Variants in TNRC6B observed in about 807,000 individuals in gnomAD.
TNRC6B encodes the protein trinucleotide repeat-containing gene 6B protein.
TNRC6B carries 52 observed loss-of-function variants against 203.6 expected under a neutral mutation model. The observed-to-expected ratio is 0.26, with a 90% CI of 0.20 to 0.32. TNRC6B has a LOEUF of 0.32. Among genes scored for constraint, TNRC6B ranks in the 10% least tolerant of loss-of-function variants. TNRC6B has a pLI of 1.00. For synonymous variants in TNRC6B, 838 were observed against 845.7 expected, an observed-to-expected ratio of 0.99 and a Z score of 0.16; for missense variants, 1,923 against 2,286.2, an observed-to-expected ratio of 0.84 and a Z score of 3.24.
chr22:40,148,868 AAGGAGAGC>A (rs1308762184), intron 3 of TNRC6B, among the ~76,000 whole-genome samples: 3 of 152,218 alleles, frequency 2.0e-5, no homozygotes, highest in Non-Finnish European at 4.4e-5. Context: ...TCTGTAAGCC[AAGGAGAGC>A]AGACTGGAAC....
intron 1 of TNRC6B, among the ~76,000 whole-genome samples, chr22:40,196,333 G>A (rs886288070): frequency 1.3e-5 from 2 of 150,406 alleles, no homozygotes; most frequent in Non-Finnish European, 1.5e-5. Flanking sequence ...GTAGAGGTGG[G>A]GCTTTCTAAT....
Position 40,054,431 on chromosome 22 carries a change from A to G in TNRC6B, c.-121+9433A>G, listed in dbSNP as rs368331993. Among the ~76,000 whole-genome samples the G allele has an allele frequency of 3.9e-5, 6 of 152,204 alleles. No homozygotes were observed. In the East Asian group the frequency reaches 7.7e-4, roughly 20 times the overall value. ...TACCCAAGGTCCCTTCCTTGAGCAT[A>G]CTATTCTCACAGCTGGAAGCCCGCA... On this transcript the variant is annotated intron_variant, in intron 1 of 23. Coordinates refer to the TNRC6B transcript ENST00000301923.
rs545993412 is a variant in TNRC6B at position 40,324,377 on chromosome 22, G to A, written c.*1136G>A. 4 of 152,566 alleles carry A rather than the reference G, an allele frequency of 2.6e-5. No homozygotes were observed. The highest frequency in any genetic ancestry group is 9.6e-5 in the African/African-American group (4 of 41,500). The allele number at this position is 152,566 out of a possible 1,614,324, so 9.5% of individuals were successfully genotyped here. A position where few individuals can be genotyped will look rare whatever the true frequency, so the allele number is the denominator to read the frequency against. On this transcript the variant is annotated 3_prime_UTR_variant, in exon 23 of 23. Coordinates refer to ENST00000454349, the MANE Select transcript of TNRC6B (RefSeq NM_001162501.2). ...CAGGCCTTTTCGTTAGTTTGAAATG[G>A]GAACGGAAGATAACTTTTGATGATG...
At chr22:40,192,084 T>C (rs1227184668) in intron 1 of TNRC6B, among the ~76,000 whole-genome samples, 4 of 152,150 alleles carry the variant, frequency 2.6e-5, no homozygotes, top group Non-Finnish European at 5.9e-5. Flanking sequence ...GCTCCCGAAC[T>C]CCTGACCTCA....
chr22:40,216,100 C>T (rs1266610706), intron 1 of TNRC6B, among the ~76,000 whole-genome samples: 1 of 152,246 alleles, frequency 6.6e-6, no homozygotes, highest in Non-Finnish European at 1.5e-5. Flanking sequence ...ATTTTAGCTC[C>T]TCAACAGCCA....
intron 1 of TNRC6B, among the ~76,000 whole-genome samples, chr22:40,214,072 C>T (rs915967078): frequency 5.9e-5 from 9 of 152,088 alleles, no homozygotes; most frequent in Non-Finnish European, 1.2e-4. Flanking sequence ...TTGAAGCCAG[C>T]CTGGCCAACA....
chr22:40,067,313 G>A (rs2067903372), intron 1 of TNRC6B, among the ~76,000 whole-genome samples: 1 of 152,104 alleles, frequency 6.6e-6, no homozygotes, highest in Admixed American at 6.5e-5. Context: ...AGTAGCATGA[G>A]CGCATATCTG....
intron 1 of TNRC6B, among the ~76,000 whole-genome samples, chr22:40,202,277 C>G (rs1412404205): frequency 1.3e-5 from 1 of 74,458 alleles, no homozygotes; most frequent in Non-Finnish European, 2.4e-5. Flanking sequence ...TTTTTTTTGC[C>G]TTTGGCAGAC....
intron 22 of TNRC6B, among the ~76,000 whole-genome samples, chr22:40,322,312 A>G (rs2071344563): frequency 1.3e-5 from 2 of 152,190 alleles, no homozygotes; most frequent in African/African-American, 4.8e-5. Context: ...ACTATTATCA[A>G]CATCCTCCAC....
intron 1 of TNRC6B, among the ~76,000 whole-genome samples, chr22:40,068,876 C>T (rs1569249397): frequency 6.6e-6 from 1 of 152,014 alleles, no homozygotes; most frequent in Non-Finnish European, 1.5e-5. Flanking sequence ...TGAACCATTG[C>T]ACCTTGCCAG....
In TNRC6B at chr22:40,212,806, C is replaced by G. The variant is rs1454544524; in HGVS notation, c.6-33209C>G. Among the ~76,000 whole-genome samples the G allele has an allele frequency of 3.3e-5, 5 of 152,148 alleles. No individual in the cohort carries two copies. The East Asian group carries it at 9.6e-4, about 29-fold the overall frequency. Reference sequence around the variant, plus strand: ...TGGGATTAATAGGCACGTGCCACCACACCCAGCTAATTTTTGTATTTTTAG... The same window carrying G: ...TGGGATTAATAGGCACGTGCCACCAGACCCAGCTAATTTTTGTATTTTTAG... On this transcript the variant is annotated intron_variant, in intron 1 of 22. Transcript: ENST00000454349.
chr22:40,265,685 C>G lies in TNRC6B; in HGVS notation c.1455C>G (p.Asn485Lys). ...NNNRSTGGSW[N>K]FGPQDSNDNK... ...ACAGGTCTACGGGTGGGTCCTGGAACTTTGGCCCCCAGGACTCTAATGACA... is the reference window on the plus strand; with the variant it reads ...ACAGGTCTACGGGTGGGTCCTGGAAGTTTGGCCCCCAGGACTCTAATGACA... The change falls in exon 5 of 23, where the codon AAC (asparagine) becomes AAG (lysine). Residue 485 changes from asparagine (N) to lysine (K), a missense_variant. Physicochemically the swap from Asn to Lys is moderately conservative, Grantham distance 94 (BLOSUM62 0). Coordinates refer to ENST00000454349, the MANE Select transcript of TNRC6B (RefSeq NM_001162501.2). The G allele has an allele frequency of 6.2e-7, 1 of 1,613,948 alleles. No homozygotes were observed. Among genetic ancestry groups the G allele is most frequent in the Non-Finnish European group, 8.5e-7 (1 of 1,179,864 alleles).
At chr22:40,162,890 C>T (rs1339000487) in intron 4 of TNRC6B, among the ~76,000 whole-genome samples, 1 of 152,134 alleles carries the variant, frequency 6.6e-6, no homozygotes, top group Non-Finnish European at 1.5e-5. Context: ...AGTTTATACT[C>T]ATGGAATTTT....
At chr22:40,072,681 T>C (rs893031040) in intron 1 of TNRC6B, among the ~76,000 whole-genome samples, 1 of 151,910 alleles carries the variant, frequency 6.6e-6, no homozygotes, top group African/African-American at 2.4e-5. Context: ...CTGGCCAACA[T>C]GGGGAAACCC....
At chr22:40,322,702 G>A (rs1056624133) in intron 22 of TNRC6B, among the ~76,000 whole-genome samples, 152 bp from the exon 23 acceptor site, 1 of 152,232 alleles carries the variant, frequency 6.6e-6, no homozygotes, top group Non-Finnish European at 1.5e-5. Context: ...GTCTTGGGTG[G>A]AGCTTGGACT....
intron 1 of TNRC6B, among the ~76,000 whole-genome samples, chr22:40,065,722 G>A (rs1054409803): frequency 3.3e-5 from 5 of 152,006 alleles, no homozygotes; most frequent in Admixed American, 2.0e-4. Context: ...ATCCATTTGG[G>A]TGTTGCTTTT....
intron 3 of TNRC6B, among the ~76,000 whole-genome samples, chr22:40,147,600 A>G (rs1267959607): frequency 6.6e-6 from 1 of 152,218 alleles, no homozygotes; most frequent in Non-Finnish European, 1.5e-5. Context: ...AAAAAGCGAC[A>G]GTGCGTCCCT....
At position 40,308,605 on chromosome 22, in the gene TNRC6B, G is replaced by C. The variant is rs775662040; in HGVS notation, c.4214G>C (p.Gly1405Ala). 13 of 1,613,960 alleles carry C rather than the reference G, an allele frequency of 8.1e-6. No individual in the cohort carries two copies. In the South Asian group the frequency reaches 1.4e-4, roughly 18 times the overall value. The change falls in exon 16 of 23, where the codon GGG becomes GCG. Residue 1405 changes from glycine (G) to alanine (A), a missense_variant. Transcript: ENST00000454349. The part of the protein sequence containing the change: ...RFKQWTSMME[G>A]LPSVATQEAN... ...AAACAGTGGACCTCCATGATGGAGG[G>C]GCTGCCCTCTGTAGCCACACAGGAA...
chr22:40,253,299 C>T (rs567754911), intron 3 of TNRC6B, among the ~76,000 whole-genome samples: 2 of 150,142 alleles, frequency 1.3e-5, no homozygotes, highest in African/African-American at 4.9e-5. Context: ...ACCATGTTAG[C>T]CAGGATGGTC....
Sources: gnomAD v4.1 joint callset for allele counts (sites outside exome capture counted in the v4.1 genomes callset) on GRCh38, gnomAD v4.1.1 for gene constraint, MANE v1.5 for transcripts, NCBI Gene and HGNC (gene_info 2026-07-23, HGNC 2026-07-21) for gene names.